Variants in NLGN4X observed in about 807,000 individuals in gnomAD.
NLGN4X encodes neuroligin-4, X-linked.
Under a neutral mutation model 40.3 loss-of-function variants are expected in NLGN4X, and 3 were observed. The ratio of observed to expected loss-of-function variants is 0.07; its 90% CI spans 0.03 to 0.19. The LOEUF is 0.19. NLGN4X is among the 10% of genes least tolerant of loss of function. The pLI is 1.00. For synonymous variants in NLGN4X, 270 were observed against 306.8 expected (o/e 0.88, Z 1.25); for missense variants, 382 against 708.3 (o/e 0.54, Z 5.23).
chrX:6,194,116 G>A (rs1922831879), intron 1 of NLGN4X, among the ~76,000 whole-genome samples: 1 of 111,591 alleles, frequency 9.0e-6, no homozygotes, highest in Admixed American at 9.6e-5. Flanking sequence ...CTGGGAGGTT[G>A]AGGCTGCAGT....
Position 6,183,225 on chromosome X carries a change from C to G in NLGN4X, c.-305-31454G>C, listed in dbSNP as rs144691133. Among the ~76,000 whole-genome samples the G allele has an allele frequency of 4.8e-4, 54 of 112,458 alleles. No homozygotes were observed. In the East Asian group the frequency reaches 0.014, roughly 30 times the overall value. On this transcript the variant is annotated intron_variant, in intron 1 of 5. Coordinates refer to ENST00000381095, the MANE Select transcript of NLGN4X (RefSeq NM_181332.3). ...CCCAAATCATTTTGAAATTTCTTTC[C>G]AAAGCAGTTTAACCTTTTAAACACC...
intron 3 of NLGN4X, among the ~76,000 whole-genome samples, chrX:5,938,955 TTG>T (rs775880273): frequency 9.7e-6 from 1 of 102,693 alleles, no homozygotes; most frequent in East Asian, 3.0e-4. Flanking sequence ...GTGTTTGTAT[TTG>T]TGTGTGTGCG....
rs544062907 is a variant in NLGN4X, at chrX:6,152,485, C to T, written c.-305-714G>A. 8.0e-5 allele frequency among the ~76,000 whole-genome samples: 9 copies of T among 112,093 alleles called. No individual in the cohort carries two copies. The South Asian group carries it at 3.4e-3, about 42-fold the overall frequency. ...AAATTGTCACATTTTCCTAAGGAGA[C>T]ATGCATGGAGCTCTAAAAGTTTTCC... On this transcript the variant is annotated intron_variant, in intron 1 of 5. Coordinates refer to ENST00000381095, the MANE Select transcript of NLGN4X (RefSeq NM_181332.3).
chrX:6,181,229 A>T (rs1921413278), intron 1 of NLGN4X, among the ~76,000 whole-genome samples: 2 of 111,496 alleles, frequency 1.8e-5, no homozygotes, highest in Non-Finnish European at 3.8e-5. Flanking sequence ...AGAACCCTCA[A>T]GTGTTTCATG....
intron 3 of NLGN4X, among the ~76,000 whole-genome samples, chrX:5,947,241 C>G (rs1350813417): frequency 1.8e-5 from 2 of 111,651 alleles, no homozygotes; most frequent in East Asian, 5.6e-4. Flanking sequence ...CTGCTTTTAG[C>G]TTTTTACGGA....
chrX:5,897,989 T>C (rs1000382738), intron 5 of NLGN4X, among the ~76,000 whole-genome samples: 1 of 96,481 alleles, frequency 1.0e-5, no homozygotes. Flanking sequence ...TCCTCCTCCA[T>C]TCCCTTTTTC....
chrX:6,061,124 C>T (rs780485243), intron 2 of NLGN4X, among the ~76,000 whole-genome samples: 105 of 111,575 alleles, frequency 9.4e-4, no homozygotes, highest in African/African-American at 3.3e-3. Flanking sequence ...CATTTTCCCC[C>T]TTTGCTAAAA....
chrX:5,893,758 T>G, intron 5 of NLGN4X, 92 bp from the exon 6 acceptor site: 1 of 991,702 alleles, frequency 1.0e-6, no homozygotes, highest in Non-Finnish European at 1.4e-6. Flanking sequence ...AGTTACAATC[T>G]GCTCTTCATA....
chrX:5,978,805 A>G (rs1248452873), intron 3 of NLGN4X, among the ~76,000 whole-genome samples: 3 of 111,720 alleles, frequency 2.7e-5, no homozygotes, highest in Non-Finnish European at 5.6e-5. Flanking sequence ...TCAAGGTGAC[A>G]GAAATATCAA....
chrX:6,225,074 TAC>T (rs1373333839), intron 1 of NLGN4X, among the ~76,000 whole-genome samples: 4 of 93,600 alleles, frequency 4.3e-5, no homozygotes, highest in African/African-American at 1.6e-4. Flanking sequence ...TATACACACA[TAC>T]ACACACACGC....
chrX:6,038,980 G>C (rs946748339), intron 2 of NLGN4X, among the ~76,000 whole-genome samples: 1 of 110,690 alleles, frequency 9.0e-6, no homozygotes, highest in Non-Finnish European at 1.9e-5. Context: ...GAAGACCCCA[G>C]TTCCAGGGCA....
intron 2 of NLGN4X, among the ~76,000 whole-genome samples, chrX:6,056,976 T>G (rs927098773): frequency 8.0e-5 from 9 of 111,999 alleles, no homozygotes; most frequent in Non-Finnish European, 1.5e-4. Context: ...GAAGTGACTT[T>G]GGCGATGCTA....
intron 3 of NLGN4X, among the ~76,000 whole-genome samples, chrX:5,983,099 G>A (rs905352767): frequency 1.8e-5 from 2 of 112,278 alleles, no homozygotes; most frequent in Non-Finnish European, 3.8e-5. Context: ...TACCTTCATG[G>A]GTTTCACCCT....
intron 5 of NLGN4X, among the ~76,000 whole-genome samples, chrX:5,902,525 A>C (rs974805341): frequency 1.8e-5 from 2 of 109,144 alleles, no homozygotes; most frequent in African/African-American, 6.7e-5. Flanking sequence ...TCTACCAAAA[A>C]AAAAAAATTA....
intron 3 of NLGN4X, among the ~76,000 whole-genome samples, chrX:5,931,841 T>C (rs928394546): frequency 3.0e-4 from 34 of 111,689 alleles, no homozygotes; most frequent in Admixed American, 9.6e-4. Context: ...CATGTATATA[T>C]GGTGAATGGG....
chrX:6,129,810 A>T (rs908813053), intron 2 of NLGN4X, among the ~76,000 whole-genome samples: 1 of 111,140 alleles, frequency 9.0e-6, no homozygotes, highest in Non-Finnish European at 1.9e-5. Flanking sequence ...TTTAAAAAAA[A>T]AAACTATTTT....
chrX:5,980,071 T>C (rs190173754), intron 3 of NLGN4X, among the ~76,000 whole-genome samples: 4 of 106,875 alleles, frequency 3.7e-5, no homozygotes, highest in African/African-American at 1.3e-4. Context: ...ATATGTGTAG[T>C]ATACTGTATG....
At position 6,088,835 on chromosome X, in the gene NLGN4X, T is replaced by C. The variant is rs181412344; in HGVS notation, c.473-59403A>G. ...AATATACATTCCTTTCTCTGTTTAT[T>C]TGATAAGTATGTGTCCCTGTACATA... On this transcript the variant is annotated intron_variant, in intron 2 of 5. Coordinates refer to ENST00000381095, the MANE Select transcript of NLGN4X (RefSeq NM_181332.3). Among the ~76,000 whole-genome samples, 70 of 112,068 alleles carry C rather than the reference T, an allele frequency of 6.2e-4. 1 individual carries two copies. Among genetic ancestry groups the C allele is most frequent in the Non-Finnish European group, 1.1e-3 (61 of 53,220 alleles).
intron 1 of NLGN4X, among the ~76,000 whole-genome samples, chrX:6,222,746 G>A (rs916695082): frequency 8.9e-6 from 1 of 112,602 alleles, no homozygotes; most frequent in African/African-American, 3.2e-5. Context: ...GTCGTGGAGG[G>A]ATGTGGTGGG....
Sources: gnomAD v4.1 joint callset for allele counts (sites outside exome capture counted in the v4.1 genomes callset) on GRCh38, gnomAD v4.1.1 for gene constraint, MANE v1.5 for transcripts, NCBI Gene and HGNC (gene_info 2026-07-23, HGNC 2026-07-21) for gene names.